Variants in ADCK1 observed in about 807,000 individuals in gnomAD.
ADCK1 encodes aarF domain-containing protein kinase 1.
ADCK1 carries 41 observed loss-of-function variants against 52.3 expected under a neutral mutation model. That is an observed-to-expected ratio of 0.78 (90% CI 0.61 to 1.02). The LOEUF (loss-of-function observed/expected upper bound fraction) is 1.02. Ranked by LOEUF, ADCK1 falls within the 50% of genes least tolerant of loss-of-function variation. ADCK1 has a pLI of 0.00. For missense variants in ADCK1, 658 were observed against 679.5 expected (o/e 0.97, Z 0.35); for synonymous variants, 250 against 274.6 (o/e 0.91, Z 0.89).
At chr14:77,816,999 T>A (rs1236714830) in intron 1 of ADCK1, among the ~76,000 whole-genome samples, 4 of 151,376 alleles carry the variant, frequency 2.6e-5, no homozygotes, top group African/African-American at 9.7e-5. Flanking sequence ...CCCAGCACTT[T>A]GGGAGGCTGA....
chr14:77,900,291 T>G (rs2083504971), intron 6 of ADCK1, among the ~76,000 whole-genome samples: 1 of 151,890 alleles, frequency 6.6e-6, no homozygotes, highest in Non-Finnish European at 1.5e-5. Context: ...AGGAGTCCTT[T>G]GAAATGGGAC....
intron 3 of ADCK1, among the ~76,000 whole-genome samples, chr14:77,825,857 C>T (rs112370477): frequency 0.017 from 2,620 of 152,224 alleles, 45 homozygotes; most frequent in Middle Eastern, 0.054. Context: ...ACTGCGCTTC[C>T]CTGCCCCTCT....
intron 7 of ADCK1, among the ~76,000 whole-genome samples, chr14:77,910,560 G>GTCAGGTTC (rs2083769643): frequency 6.6e-6 from 1 of 152,170 alleles, no homozygotes; most frequent in South Asian, 2.1e-4. Context: ...CCTCATCCCC[G>GTCAGGTTC]CCAGGTTCCT....
At chr14:77,925,672 G>A (rs1488104577) in intron 8 of ADCK1, 92 bp from the exon 9 acceptor site, 6 of 1,282,526 alleles carry the variant, frequency 4.7e-6, no homozygotes, top group Admixed American at 4.0e-5. Flanking sequence ...AGTCCTCACC[G>A]TCGTCTTTTG....
intron 3 of ADCK1, among the ~76,000 whole-genome samples, chr14:77,835,372 C>T (rs2081939428): frequency 6.6e-6 from 1 of 152,208 alleles, no homozygotes; most frequent in East Asian, 1.9e-4. Flanking sequence ...TTCCTGACTC[C>T]AGCCTTCTTT....
intron 4 of ADCK1, among the ~76,000 whole-genome samples, chr14:77,881,994 G>A (rs2083035384): frequency 1.3e-5 from 2 of 152,322 alleles, no homozygotes; most frequent in African/African-American, 2.4e-5. Flanking sequence ...GGGGTATCTG[G>A]GGCAGGTCCC....
intron 2 of ADCK1, 146 bp from the exon 3 acceptor site, chr14:77,822,289 A>G: frequency 1.5e-6 from 1 of 656,858 alleles, no homozygotes; most frequent in Admixed American, 2.5e-5. Flanking sequence ...CTAGAATAAG[A>G]TCCAGGGGCC....
intron 4 of ADCK1, among the ~76,000 whole-genome samples, chr14:77,875,865 G>A (rs565047714): frequency 6.6e-6 from 1 of 152,318 alleles, no homozygotes; most frequent in African/African-American, 2.4e-5. Flanking sequence ...GAACTAGGAA[G>A]CTGTGATGTT....
chr14:77,817,775 A>G (rs111474627), intron 1 of ADCK1, among the ~76,000 whole-genome samples: 2,649 of 150,594 alleles, frequency 0.018, 60 homozygotes, highest in African/African-American at 0.061. Context: ...TCGCTCTGTC[A>G]CCCAGGCTGG....
At chr14:77,850,343 T>C (rs1287145465) in intron 3 of ADCK1, among the ~76,000 whole-genome samples, 1 of 152,246 alleles carries the variant, frequency 6.6e-6, no homozygotes, top group Non-Finnish European at 1.5e-5. Context: ...AAGTCTTTTA[T>C]ATCCTAACTC....
intron 4 of ADCK1, among the ~76,000 whole-genome samples, chr14:77,861,358 GT>G (rs1231831678): frequency 1.3e-5 from 2 of 152,174 alleles, no homozygotes; most frequent in African/African-American, 4.8e-5. Flanking sequence ...TTCCCAGTGT[GT>G]GGGTGGAGGG....
intron 5 of ADCK1, among the ~76,000 whole-genome samples, chr14:77,892,090 C>T (rs2083294956): frequency 6.6e-6 from 1 of 152,152 alleles, no homozygotes; most frequent in South Asian, 2.1e-4. Flanking sequence ...GTGTGGTGTG[C>T]CCTTATGCTT....
At position 77,905,304 on chromosome 14, in the gene ADCK1, G is replaced by GTTTTTTTTTTTTTTTT. The variant is rs58057378; in HGVS notation, c.742-2494_742-2479dup. 1.5e-3 allele frequency among the ~76,000 whole-genome samples: 149 copies of GTTTTTTTTTTTTTTTT among 96,260 alleles called. 12 individuals are homozygous for GTTTTTTTTTTTTTTTT. The highest frequency in any genetic ancestry group is 4.8e-3 in the African/African-American group (110 of 23,098). The allele number at this position is 96,260 out of a possible 152,430, so 63.2% of individuals were successfully genotyped here. Reference sequence around the variant, plus strand: ...TCCACCTGTGACTCTTTCCTAGCTGGTTTTTTTTTTTTTTTTTTTTGAGAT... The same window carrying GTTTTTTTTTTTTTTTT: ...TCCACCTGTGACTCTTTCCTAGCTGGTTTTTTTTTTTTTTTTTTTTTTTTTTTTTTTTTTTTGAGAT... On this transcript the variant is annotated intron_variant, in intron 6 of 10. Coordinates refer to ENST00000238561, the MANE Select transcript of ADCK1 (RefSeq NM_020421.4).
intron 4 of ADCK1, among the ~76,000 whole-genome samples, chr14:77,862,067 T>C (rs1295636287): frequency 6.6e-6 from 1 of 152,208 alleles, no homozygotes; most frequent in East Asian, 1.9e-4. Flanking sequence ...CCCAGGCTGG[T>C]GATTCGTCCC....
intron 3 of ADCK1, among the ~76,000 whole-genome samples, chr14:77,828,491 T>A (rs1263658561): frequency 6.6e-6 from 1 of 152,224 alleles, no homozygotes; most frequent in Non-Finnish European, 1.5e-5. Flanking sequence ...TTAATTGGAA[T>A]TCTTCTGTGA....
intron 10 of ADCK1, 119 bp from the exon 11 acceptor site, chr14:77,933,101 T>C: frequency 1.0e-6 from 1 of 993,934 alleles, no homozygotes; most frequent in Non-Finnish European, 1.5e-6. Flanking sequence ...GAGTAGTCCC[T>C]AGGGGCAGGG....
intron 5 of ADCK1, among the ~76,000 whole-genome samples, chr14:77,898,693 A>G (rs1424466452): frequency 6.6e-6 from 1 of 152,224 alleles, no homozygotes; most frequent in Non-Finnish European, 1.5e-5. Context: ...AATGCATGCC[A>G]GGCTTAATAC....
intron 3 of ADCK1, among the ~76,000 whole-genome samples, chr14:77,851,373 C>T (rs1274783493): frequency 2.0e-5 from 3 of 152,128 alleles, no homozygotes; most frequent in African/African-American, 7.2e-5. Context: ...ACTTTGGCCT[C>T]CCAAAGTGCT....
chr14:77,912,435 T>C (rs1386877377), intron 7 of ADCK1, among the ~76,000 whole-genome samples: 18 of 28,834 alleles, frequency 6.2e-4, no homozygotes, highest in South Asian at 2.2e-3. Context: ...CGGAGGAGCG[T>C]GTGTGTGTGT....
Sources: allele counts gnomAD v4.1 joint callset (sites outside exome capture counted in the v4.1 genomes callset), GRCh38; gene constraint gnomAD v4.1.1; transcripts MANE v1.5; gene names NCBI Gene and HGNC (gene_info 2026-07-23, HGNC 2026-07-21).